PTPN20: variants seen among roughly 807,000 people sequenced by gnomAD.
PTPN20 encodes protein tyrosine phosphatase non-receptor type 20, also known as tyrosine-protein phosphatase non-receptor type 20.
Under a neutral mutation model 35.0 loss-of-function variants are expected in PTPN20, and 9 were observed. That is an observed-to-expected ratio of 0.26 (90% CI 0.15 to 0.45). PTPN20 has a LOEUF of 0.45. Ranked by LOEUF, PTPN20 falls within the 20% of genes least tolerant of loss-of-function variation. PTPN20 has a pLI of 1.00. For missense variants in PTPN20, 111 were observed against 312.5 expected, an observed-to-expected ratio of 0.36 and a Z score of 4.86; for synonymous variants, 32 against 100.2, an observed-to-expected ratio of 0.32 and a Z score of 4.06.
chr10:46,982,748 CT>C (rs1321733504), intron 7 of PTPN20, among the ~76,000 whole-genome samples: 28 of 151,842 alleles, frequency 1.8e-4, no homozygotes, highest in African/African-American at 6.8e-4. Flanking sequence ...GTAATAACTA[CT>C]GCTAACATTG....
intron 9 of PTPN20, among the ~76,000 whole-genome samples, chr10:46,992,653 G>T (rs1290389662): frequency 6.6e-6 from 1 of 152,052 alleles, no homozygotes. Context: ...CTTGGATTAG[G>T]TTTCAGCTGT....
intron 5 of PTPN20, among the ~76,000 whole-genome samples, chr10:46,953,387 C>CTTTCTT (rs2047390066): frequency 8.1e-6 from 1 of 123,466 alleles, no homozygotes; most frequent in African/African-American, 3.8e-5. Context: ...TTCTTTCTTT[C>CTTTCTT]TTTCTTTCTT....
At chr10:46,953,458 G>A (rs1405930770) in intron 5 of PTPN20, among the ~76,000 whole-genome samples, 1 of 138,758 alleles carries the variant, frequency 7.2e-6, no homozygotes, top group Non-Finnish European at 1.5e-5. Context: ...TTGAATAAGA[G>A]GAAAGGGAGT....
intron 2 of PTPN20, among the ~76,000 whole-genome samples, chr10:46,937,105 T>TA (rs1169751932): frequency 1.3e-5 from 2 of 149,916 alleles, no homozygotes; most frequent in African/African-American, 4.9e-5. Context: ...TCTTAGTTTT[T>TA]ATTGGTCTAC....
At chr10:46,936,676 GA>G (rs2041755495) in intron 2 of PTPN20, among the ~76,000 whole-genome samples, 1 of 146,842 alleles carries the variant, frequency 6.8e-6, no homozygotes, top group African/African-American at 2.6e-5. Flanking sequence ...GGATGACTTT[GA>G]GGGATTTAAG....
At chr10:46,932,644 C>T (rs1485516369) in intron 2 of PTPN20, 111 bp downstream of exon 2, 1 of 1,526,030 alleles carries the variant, frequency 6.6e-7, no homozygotes, top group Non-Finnish European at 9.1e-7. Flanking sequence ...CCTGCATATT[C>T]TGATCCTCTG....
At chr10:47,000,340 A>T (rs2059890517) in intron 10 of PTPN20, among the ~76,000 whole-genome samples, 2 of 152,184 alleles carry the variant, frequency 1.3e-5, no homozygotes, top group African/African-American at 4.8e-5. Flanking sequence ...TAAACTGTCA[A>T]GGTTATCAGG....
Position 47,002,232 on chromosome 10 carries a change from T to C in PTPN20, c.*1491T>C, listed in dbSNP as rs1157653868. 3 of 152,370 alleles carry C rather than the reference T, an allele frequency of 2.0e-5. No individual in the cohort carries two copies. Among genetic ancestry groups the C allele is most frequent in the African/African-American group, 7.2e-5 (3 of 41,448 alleles). The allele number at this position is 152,370 out of a possible 1,614,324, so 9.4% of individuals were successfully genotyped here. A position where few individuals can be genotyped will look rare whatever the true frequency, so the allele number is the denominator to read the frequency against. On this transcript the variant is annotated 3_prime_UTR_variant, in exon 11 of 11. Coordinates refer to ENST00000374339, the MANE Select transcript of PTPN20 (RefSeq NM_001042357.5). ...TATTTGTATCTCTAATTTTATTTTCTCTCTGTTACTGTAAAATAATAGCTA... is the reference window on the plus strand; with the variant it reads ...TATTTGTATCTCTAATTTTATTTTCCCTCTGTTACTGTAAAATAATAGCTA...
intron 9 of PTPN20, among the ~76,000 whole-genome samples, chr10:46,995,115 TCAGTCAC>T (rs1589994131): frequency 6.6e-6 from 1 of 152,160 alleles, no homozygotes; most frequent in African/African-American, 2.4e-5. Flanking sequence ...CTCATGAGGG[TCAGTCAC>T]TGGTTCCTTG....
chr10:46,940,057 C>G (rs1170827173), intron 2 of PTPN20, among the ~76,000 whole-genome samples: 1 of 151,822 alleles, frequency 6.6e-6, no homozygotes, highest in Non-Finnish European at 1.5e-5. Context: ...CTGAAAGAGT[C>G]TGTGCAGTAA....
chr10:46,948,274 ATGT>A (rs2045611495), intron 5 of PTPN20, among the ~76,000 whole-genome samples: 2 of 151,838 alleles, frequency 1.3e-5, no homozygotes, highest in African/African-American at 4.8e-5. Context: ...AGAGCTTAAC[ATGT>A]TAATGATAGT....
chr10:46,988,139 T>C (rs2137001769), intron 9 of PTPN20, among the ~76,000 whole-genome samples: 1 of 152,344 alleles, frequency 6.6e-6, no homozygotes, highest in East Asian at 1.9e-4. Flanking sequence ...AGCTAAGAGA[T>C]AGACACAGGA....
chr10:46,948,291 T>G (rs1472388962), intron 5 of PTPN20, among the ~76,000 whole-genome samples: 2 of 151,436 alleles, frequency 1.3e-5, no homozygotes, highest in African/African-American at 2.4e-5. Context: ...TGATAGTTAT[T>G]TAAAATTCCC....
chr10:46,911,932 C>A, intron 1 of PTPN20: 1 of 96,084 alleles, frequency 1.0e-5, no homozygotes, highest in Non-Finnish European at 1.6e-5. Flanking sequence ...AAAGAAAGAA[C>A]ATGAATTCAT....
In PTPN20 at chr10:47,001,114, A is replaced by G. The variant is rs1484515675; in HGVS notation, c.*373A>G. ...CTGGAGAGAGCTGAGGATTTCCAGGACTTTGTAAGTTCTTATTCTGGGAGA... is the reference window on the plus strand; with the variant it reads ...CTGGAGAGAGCTGAGGATTTCCAGGGCTTTGTAAGTTCTTATTCTGGGAGA... On this transcript the variant is annotated 3_prime_UTR_variant, in exon 11 of 11. Coordinates refer to ENST00000374339, the MANE Select transcript of PTPN20 (RefSeq NM_001042357.5). 1 of 275,646 alleles carries G rather than the reference A, an allele frequency of 3.6e-6. No individual in the cohort carries two copies. The highest frequency in any genetic ancestry group is 2.3e-5 in the African/African-American group (1 of 44,110). 17.1% of individuals were successfully genotyped at this position (275,646 alleles called of 1,614,324 possible).
intron 9 of PTPN20, among the ~76,000 whole-genome samples, chr10:46,993,318 C>G (rs2058370029): frequency 6.6e-6 from 1 of 152,228 alleles, no homozygotes; most frequent in South Asian, 2.1e-4. Flanking sequence ...GCTCTCTCCT[C>G]CCTTGGGGCA....
intron 2 of PTPN20, among the ~76,000 whole-genome samples, chr10:46,937,805 T>C (rs1315471752): frequency 6.6e-6 from 1 of 151,916 alleles, no homozygotes; most frequent in Non-Finnish European, 1.5e-5. Context: ...TACATTTCTA[T>C]TGATTGATTG....
chr10:46,992,259 A>T (rs1423879797), intron 9 of PTPN20, among the ~76,000 whole-genome samples: 1 of 151,532 alleles, frequency 6.6e-6, no homozygotes. Flanking sequence ...AGTAACTGGG[A>T]CTACAAGCGC....
chr10:46,959,165 C>A (rs2049172823), intron 5 of PTPN20, among the ~76,000 whole-genome samples: 1 of 126,964 alleles, frequency 7.9e-6, no homozygotes, highest in East Asian at 2.4e-4. Flanking sequence ...TCAATTTTTG[C>A]TTTGTGTATT....
Sources: allele counts gnomAD v4.1 joint callset (sites outside exome capture counted in the v4.1 genomes callset), GRCh38; gene constraint gnomAD v4.1.1; transcripts MANE v1.5; gene names NCBI Gene and HGNC (gene_info 2026-07-23, HGNC 2026-07-21).